Variants in TAFA1 observed in about 807,000 individuals in gnomAD.
TAFA1 encodes chemokine-like protein TAFA-1.
In TAFA1, 4 loss-of-function variants were observed where a neutral mutation model predicts 18.5. The observed-to-expected ratio is 0.22, with a 90% CI of 0.11 to 0.49. TAFA1 has a LOEUF of 0.49. Ranked by LOEUF, TAFA1 falls within the 20% of genes least tolerant of loss-of-function variation. The pLI is 0.98. For missense variants in TAFA1, 147 were observed against 169.0 expected, an observed-to-expected ratio of 0.87 and a Z score of 0.72; for synonymous variants, 56 against 55.2, an observed-to-expected ratio of 1.01 and a Z score of -0.06.
upstream of TAFA1, among the ~76,000 whole-genome samples, chr3:68,004,064 C>G (rs1704317106): frequency 6.6e-6 from 1 of 152,238 alleles, no homozygotes; most frequent in South Asian, 2.1e-4. Context: ...CCTCTTTACT[C>G]TTTTGTTAAA....
intron 3 of TAFA1, among the ~76,000 whole-genome samples, chr3:68,451,702 AGAC>A (rs1318826220): frequency 6.6e-6 from 1 of 152,212 alleles, no homozygotes; most frequent in Non-Finnish European, 1.5e-5. Flanking sequence ...CTGGACAGAA[AGAC>A]AACAAGACCA....
intron 2 of TAFA1, among the ~76,000 whole-genome samples, chr3:68,182,984 G>A (rs534636658): frequency 1.3e-5 from 2 of 152,208 alleles, no homozygotes; most frequent in Admixed American, 6.5e-5. Flanking sequence ...TCAAAGTCAT[G>A]TATCTTTATT....
At chr3:68,118,124 A>G (rs1012004913) in intron 2 of TAFA1, among the ~76,000 whole-genome samples, 6 of 152,212 alleles carry the variant, frequency 3.9e-5, no homozygotes, top group African/African-American at 1.4e-4. Flanking sequence ...AATGTAATAT[A>G]TAATGAAATA....
At chr3:68,207,699 C>G (rs1449510637) in intron 2 of TAFA1, among the ~76,000 whole-genome samples, 1 of 151,966 alleles carries the variant, frequency 6.6e-6, no homozygotes, top group African/African-American at 2.4e-5. Context: ...AATATCTATT[C>G]TGATAGTACT....
chr3:68,412,623 T>A (rs936096926), intron 2 of TAFA1, among the ~76,000 whole-genome samples: 1 of 152,094 alleles, frequency 6.6e-6, no homozygotes, highest in Admixed American at 6.6e-5. Flanking sequence ...GAGAACATGC[T>A]GTGTTTGGTT....
At chr3:68,536,574 T>G (rs2073281776) in intron 3 of TAFA1, among the ~76,000 whole-genome samples, 1 of 152,182 alleles carries the variant, frequency 6.6e-6, no homozygotes, top group South Asian at 2.1e-4. Flanking sequence ...CAGGTGGATT[T>G]GGGAAGAGCT....
chr3:68,189,150 C>T (rs1038112004), intron 2 of TAFA1, among the ~76,000 whole-genome samples: 27 of 151,878 alleles, frequency 1.8e-4, no homozygotes, highest in African/African-American at 6.3e-4. Context: ...TCATCGTATT[C>T]CCATGGCTGG....
intron 2 of TAFA1, among the ~76,000 whole-genome samples, chr3:68,117,967 ACT>A (rs2065343625): frequency 6.6e-6 from 1 of 151,862 alleles, no homozygotes; most frequent in Non-Finnish European, 1.5e-5. Flanking sequence ...CAAAACTGAA[ACT>A]CTATACCAGT....
intron 3 of TAFA1, among the ~76,000 whole-genome samples, chr3:68,430,153 T>C (rs2071141076): frequency 6.6e-6 from 1 of 151,864 alleles, no homozygotes; most frequent in South Asian, 2.1e-4. Flanking sequence ...AAGAATTCTG[T>C]CCTTGGAGAG....
At chr3:68,233,759 A>C in intron 2 of TAFA1, among the ~76,000 whole-genome samples, 1 of 152,140 alleles carries the variant, frequency 6.6e-6, no homozygotes, top group Non-Finnish European at 1.5e-5. Flanking sequence ...TTTATACTGG[A>C]ACTTCCAGGA....
intron 2 of TAFA1, among the ~76,000 whole-genome samples, chr3:68,403,407 G>T (rs775106410): frequency 2.0e-5 from 3 of 152,178 alleles, no homozygotes; most frequent in African/African-American, 2.4e-5. Context: ...TATCAGTGTG[G>T]CTGTGTTTGC....
intron 2 of TAFA1, among the ~76,000 whole-genome samples, chr3:68,117,805 TTGATCTTTATG>T (rs2065342100): frequency 6.6e-6 from 1 of 152,260 alleles, no homozygotes; most frequent in Admixed American, 6.5e-5. Flanking sequence ...AAAATTACCT[TTGATCTTTATG>T]TGGCCAGTAC....
At position 68,247,980 on chromosome 3, in the gene TAFA1, A is replaced by C. The variant is rs2067116432; in HGVS notation, c.119-169300A>C. ...TTTCCAGGCTATGGTTTATGTTCATAAAGTAAAGATAATTTGAATATTGAA... is the reference window on the plus strand; with the variant it reads ...TTTCCAGGCTATGGTTTATGTTCATCAAGTAAAGATAATTTGAATATTGAA... On this transcript the variant is annotated intron_variant, in intron 2 of 4. Transcript: ENST00000478136. Among the ~76,000 whole-genome samples the C allele has an allele frequency of 1.3e-5, 2 of 152,160 alleles. 1 individual carries two copies. Among genetic ancestry groups the C allele is most frequent in the South Asian group, 4.1e-4 (2 of 4,836 alleles).
intron 2 of TAFA1, among the ~76,000 whole-genome samples, chr3:68,377,219 G>A (rs150975571): frequency 6.6e-6 from 1 of 152,310 alleles, no homozygotes; most frequent in African/African-American, 2.4e-5. Flanking sequence ...TGGGTAATGG[G>A]CAAAGGTTGG....
chr3:68,428,492 G>A (rs183246055), intron 3 of TAFA1, among the ~76,000 whole-genome samples: 479 of 151,966 alleles, frequency 3.2e-3, no homozygotes, highest in Non-Finnish European at 5.1e-3. Context: ...GGAAACGAGA[G>A]GAGAAACCTG....
chr3:68,007,983 G>A (rs1352423408), intron 2 of TAFA1, among the ~76,000 whole-genome samples: 1 of 152,242 alleles, frequency 6.6e-6, no homozygotes, highest in Non-Finnish European at 1.5e-5. Context: ...AGGCTGCAGC[G>A]AGCGCGCAAG....
intron 2 of TAFA1, among the ~76,000 whole-genome samples, chr3:68,334,997 G>T (rs527679212): frequency 6.6e-6 from 1 of 152,298 alleles, no homozygotes; most frequent in African/African-American, 2.4e-5. Context: ...TGTATATTCT[G>T]AAGCAGAGCA....
chr3:68,282,940 C>G (rs1305415803), intron 2 of TAFA1, among the ~76,000 whole-genome samples: 4 of 152,104 alleles, frequency 2.6e-5, no homozygotes, highest in Non-Finnish European at 5.9e-5. Flanking sequence ...CTGAATTATA[C>G]TAGGGTTTGG....
At chr3:68,274,903 C>T (rs189340206) in intron 2 of TAFA1, among the ~76,000 whole-genome samples, 3 of 151,984 alleles carry the variant, frequency 2.0e-5, no homozygotes, top group Non-Finnish European at 4.4e-5. Flanking sequence ...ACATTATTTT[C>T]GTCATTTTGT....
Sources: allele counts gnomAD v4.1 joint callset (sites outside exome capture counted in the v4.1 genomes callset), GRCh38; gene constraint gnomAD v4.1.1; transcripts MANE v1.5; gene names NCBI Gene and HGNC (gene_info 2026-07-23, HGNC 2026-07-21).